SP4: variants seen among roughly 807,000 people sequenced by gnomAD.
SP4 encodes the protein Sp4 transcription factor, also known as transcription factor Sp4.
SP4 carries 19 observed loss-of-function variants against 72.8 expected under a neutral mutation model. The observed-to-expected ratio is 0.26, with a 90% confidence interval of 0.18 to 0.38. The LOEUF is 0.38. Ranked by LOEUF, SP4 falls within the 10% of genes least tolerant of loss-of-function variation. SP4 has a pLI of 1.00. For missense variants in SP4, 1,008 were observed against 926.3 expected, an observed-to-expected ratio of 1.09 and a Z score of -1.14; for synonymous variants, 395 against 333.1, an observed-to-expected ratio of 1.19 and a Z score of -2.02.
chr7:21,483,837 T>A (rs1053616144), intron 5 of SP4, among the ~76,000 whole-genome samples: 2 of 151,716 alleles, frequency 1.3e-5, no homozygotes, highest in African/African-American at 4.8e-5. Context: ...TTTCAGAATA[T>A]TTAGAATTTG....
intron 3 of SP4, among the ~76,000 whole-genome samples, chr7:21,469,559 T>G (rs1040058559): frequency 8.3e-6 from 1 of 121,108 alleles, no homozygotes; most frequent in African/African-American, 3.2e-5. Flanking sequence ...TTTTTTTTTT[T>G]GAGACGGAGT....
intron 3 of SP4, among the ~76,000 whole-genome samples, chr7:21,468,706 C>T (rs543720588): frequency 6.6e-6 from 1 of 151,974 alleles, no homozygotes; most frequent in South Asian, 2.1e-4. Context: ...TTCGTTACTT[C>T]CTTTTAAGTC....
chr7:21,479,781 GTTTAATC>G (rs1210942119), intron 4 of SP4, among the ~76,000 whole-genome samples: 3 of 152,138 alleles, frequency 2.0e-5, no homozygotes, highest in African/African-American at 4.8e-5. Context: ...ATTTCTGGTT[GTTTAATC>G]TTTAACTTCT....
chr7:21,493,424 C>T (rs1221255269), intron 5 of SP4, among the ~76,000 whole-genome samples: 1 of 152,130 alleles, frequency 6.6e-6, no homozygotes, highest in African/African-American at 2.4e-5. Flanking sequence ...GCATTAAATG[C>T]TTTTACTGGT....
chr7:21,501,440 G>C (rs1200554283), intron 5 of SP4, among the ~76,000 whole-genome samples: 1 of 152,186 alleles, frequency 6.6e-6, no homozygotes, highest in African/African-American at 2.4e-5. Flanking sequence ...CTCCATAGGA[G>C]ATTGAGTTTA....
At chr7:21,470,336 A>G (rs1396414180) in intron 3 of SP4, among the ~76,000 whole-genome samples, 1 of 152,176 alleles carries the variant, frequency 6.6e-6, no homozygotes, top group Admixed American at 6.5e-5. Flanking sequence ...ATTTATGACT[A>G]ATATTATGAT....
chr7:21,431,416 C>G (rs970762438), intron 3 of SP4, among the ~76,000 whole-genome samples: 1 of 152,106 alleles, frequency 6.6e-6, no homozygotes. Flanking sequence ...GTTTGGTTAA[C>G]TTTTATGCCT....
At chr7:21,496,063 A>C (rs1410160403) in intron 5 of SP4, among the ~76,000 whole-genome samples, 1 of 152,158 alleles carries the variant, frequency 6.6e-6, no homozygotes, top group African/African-American at 2.4e-5. Flanking sequence ...AAGGACAGAG[A>C]ACAGATTTGT....
chr7:21,476,966 G>A, intron 3 of SP4, 113 bp from the exon 4 acceptor site: 1 of 717,370 alleles, frequency 1.4e-6, no homozygotes, highest in Non-Finnish European at 2.3e-6. Flanking sequence ...CTTAGTTTTT[G>A]TACTTTACAC....
At chr7:21,466,954 C>T (rs1784185256) in intron 3 of SP4, among the ~76,000 whole-genome samples, 1 of 152,082 alleles carries the variant, frequency 6.6e-6, no homozygotes, top group Non-Finnish European at 1.5e-5. Context: ...TTATAGGGAT[C>T]ACACAAATGT....
intron 3 of SP4, among the ~76,000 whole-genome samples, chr7:21,441,421 A>C (rs1224184970): frequency 6.6e-6 from 1 of 152,222 alleles, no homozygotes; most frequent in African/African-American, 2.4e-5. Context: ...TGCCAACCAA[A>C]CAGCCTTCCA....
At chr7:21,497,912 C>T (rs1781763881) in intron 5 of SP4, among the ~76,000 whole-genome samples, 1 of 152,186 alleles carries the variant, frequency 6.6e-6, no homozygotes, top group African/African-American at 2.4e-5. Flanking sequence ...GGTCTCAAAT[C>T]TCAACCAGTT....
intron 3 of SP4, among the ~76,000 whole-genome samples, chr7:21,434,320 A>G (rs1282644216): frequency 6.6e-6 from 1 of 152,210 alleles, no homozygotes; most frequent in East Asian, 1.9e-4. Context: ...ACATGAACAG[A>G]AAAAAGTAAA....
At chr7:21,476,427 A>C (rs142178918) in intron 3 of SP4, among the ~76,000 whole-genome samples, 25 of 152,298 alleles carry the variant, frequency 1.6e-4, no homozygotes, top group African/African-American at 5.5e-4. Flanking sequence ...TGAGTGATGA[A>C]GTCTAAGCTA....
At chr7:21,436,229 A>G (rs1783046820) in intron 3 of SP4, among the ~76,000 whole-genome samples, 1 of 152,172 alleles carries the variant, frequency 6.6e-6, no homozygotes. Context: ...CTGCTTTTCA[A>G]ATTCTGAATC....
At chr7:21,457,049 T>C (rs185413758) in intron 3 of SP4, among the ~76,000 whole-genome samples, 1 of 152,344 alleles carries the variant, frequency 6.6e-6, no homozygotes, top group Non-Finnish European at 1.5e-5. Context: ...AGAGGTATCT[T>C]ACCACTGGGA....
At chr7:21,476,544 T>C (rs979396117) in intron 3 of SP4, among the ~76,000 whole-genome samples, 4 of 152,164 alleles carry the variant, frequency 2.6e-5, no homozygotes, top group Non-Finnish European at 5.9e-5. Flanking sequence ...CCACTTTATG[T>C]ATACACTAAA....
At chr7:21,502,053 C>G (rs1003792507) in intron 5 of SP4, among the ~76,000 whole-genome samples, 1 of 125,452 alleles carries the variant, frequency 8.0e-6, no homozygotes, top group Non-Finnish European at 1.7e-5. Flanking sequence ...CCCCCCCCCC[C>G]GGAACTCCTA....
chr7:21,464,318 G>T (rs796682033), intron 3 of SP4, among the ~76,000 whole-genome samples: 2 of 151,634 alleles, frequency 1.3e-5, no homozygotes, highest in African/African-American at 4.8e-5. Flanking sequence ...GGATGGTCTC[G>T]ATCTCCTGAC....
Sources: allele counts gnomAD v4.1 joint callset (sites outside exome capture counted in the v4.1 genomes callset), GRCh38; gene constraint gnomAD v4.1.1; transcripts MANE v1.5; gene names NCBI Gene and HGNC (gene_info 2026-07-23, HGNC 2026-07-21).